The following KLHDC2 variants were observed in gnomAD, a reference collection of about 807,000 sequenced individuals.
KLHDC2 encodes kelch domain containing 2.
Under a neutral mutation model 62.3 loss-of-function variants are expected in KLHDC2, and 38 were observed. The ratio of observed to expected loss-of-function variants is 0.61; its 90% CI spans 0.47 to 0.80. The LOEUF is 0.80. KLHDC2 is among the 30% of genes least tolerant of loss of function. KLHDC2 has a pLI of 0.00. For synonymous variants in KLHDC2, 159 were observed against 161.0 expected, an observed-to-expected ratio of 0.99 and a Z score of 0.09; for missense variants, 430 against 495.3, an observed-to-expected ratio of 0.87 and a Z score of 1.25.
Position 49,774,598 on chromosome 14 carries a change from A to C in KLHDC2, c.271A>C (p.Met91Leu), listed in dbSNP as rs770745242. The change falls in exon 3 of 13, where the codon ATG (methionine) becomes CTG (leucine). Residue 91 changes from methionine (M) to leucine (L), a missense_variant. By Grantham distance (15) the Met-to-Leu change is conservative. Transcript: ENST00000298307. ...INTEGDVPPS[M>L]SGSCAVCVDR... is the part of the protein sequence containing the mutation. ...CACTGAAGGTGATGTTCCTCCTTCT[A>C]TGTCAGGAAGCTGTGCTGTGTGTGT... 2.5e-6 allele frequency: 4 copies of C among 1,613,936 alleles called. No homozygotes were observed. Among genetic ancestry groups the C allele is most frequent in the Non-Finnish European group, 3.4e-6 (4 of 1,179,850 alleles).
In KLHDC2 at chr14:49,783,703, A is replaced by AT. The variant is rs1315756388; in HGVS notation, c.*752dup. 6.6e-6 allele frequency: 1 copy of AT among 152,136 alleles called. No homozygotes were observed. The highest frequency in any genetic ancestry group is 1.5e-5 in the Non-Finnish European group (1 of 68,028). The allele number at this position is 152,136 out of a possible 1,614,324, so 9.4% of individuals were successfully genotyped here. A position where few individuals can be genotyped will look rare whatever the true frequency, so the allele number is the denominator to read the frequency against. Reference sequence around the variant, plus strand: ...GATACTCTAACGTGCTATATTGGTAATTAATTACTAAAGGTGGAAATTAAA... The same window carrying AT: ...GATACTCTAACGTGCTATATTGGTAATTTAATTACTAAAGGTGGAAATTAAA... On this transcript the variant is annotated 3_prime_UTR_variant, in exon 13 of 13. Transcript: ENST00000298307.
chr14:49,775,079 A>C (rs1594700771), intron 3 of KLHDC2, among the ~76,000 whole-genome samples: 1 of 152,310 alleles, frequency 6.6e-6, no homozygotes, highest in Non-Finnish European at 1.5e-5. Context: ...AAACTGACAA[A>C]ACTTTACATG....
intron 9 of KLHDC2, 188 bp downstream of exon 9, chr14:49,780,510 A>G (rs1473342580): frequency 6.3e-6 from 4 of 633,296 alleles, no homozygotes; most frequent in African/African-American, 5.5e-5. Flanking sequence ...AAGAACCTGG[A>G]GCACTTAAGA....
Position 49,784,913 on chromosome 14 carries a change from G to A in KLHDC2, c.*1960G>A, listed in dbSNP as rs1457683643. 7 of 1,608,092 alleles carry A rather than the reference G, an allele frequency of 4.4e-6. No homozygotes were observed. Among genetic ancestry groups the A allele is most frequent in the Non-Finnish European group, 5.1e-6 (6 of 1,175,388 alleles). On this transcript the variant is annotated 3_prime_UTR_variant, in exon 13 of 13. Coordinates refer to ENST00000298307, the MANE Select transcript of KLHDC2 (RefSeq NM_014315.3). ...TCAGTCTCCACATTCCTTTTCTGAA[G>A]GAGAACTTTACCTTTACGCTGCGGA...
chr14:49,768,906 C>T, intron 1 of KLHDC2: 1 of 404,272 alleles, frequency 2.5e-6, no homozygotes, highest in Non-Finnish European at 4.4e-6. Flanking sequence ...AGCGTTATTC[C>T]GGGGAAGGCC....
At chr14:49,781,386 G>A (rs200155132) in intron 10 of KLHDC2, among the ~76,000 whole-genome samples, 5 of 127,558 alleles carry the variant, frequency 3.9e-5, no homozygotes, top group East Asian at 2.3e-4. Flanking sequence ...AAAAAAAAAA[G>A]GGGGTAGAGG....
chr14:49,776,555 G>A (rs1427216198), intron 3 of KLHDC2, among the ~76,000 whole-genome samples: 3 of 152,084 alleles, frequency 2.0e-5, no homozygotes, highest in African/African-American at 7.2e-5. Flanking sequence ...ACATGTATTT[G>A]TTAAATTGAA....
At chr14:49,776,081 C>T (rs1418861507) in intron 3 of KLHDC2, among the ~76,000 whole-genome samples, 4 of 152,178 alleles carry the variant, frequency 2.6e-5, no homozygotes, top group Non-Finnish European at 5.9e-5. Context: ...GCCCCTTCCT[C>T]CTCCATTTTA....
At chr14:49,776,705 G>A (rs1889780364) in intron 3 of KLHDC2, among the ~76,000 whole-genome samples, 1 of 152,052 alleles carries the variant, frequency 6.6e-6, no homozygotes. Context: ...CATCACTTGA[G>A]GCCAGGAGTT....
intron 1 of KLHDC2, chr14:49,768,932 G>T: frequency 3.0e-6 from 1 of 329,980 alleles, no homozygotes; most frequent in Non-Finnish European, 5.6e-6. Context: ...AATGTTGCTT[G>T]GGCGGTGCAT....
chr14:49,773,851 C>T (rs1179980058), intron 2 of KLHDC2, among the ~76,000 whole-genome samples: 1 of 152,084 alleles, frequency 6.6e-6, no homozygotes, highest in Non-Finnish European at 1.5e-5. Flanking sequence ...GCTGGGATTA[C>T]AGGCATGAGC....
intron 3 of KLHDC2, among the ~76,000 whole-genome samples, chr14:49,776,152 G>T (rs113998096): frequency 1.6e-3 from 239 of 152,298 alleles, no homozygotes; most frequent in African/African-American, 5.4e-3. Flanking sequence ...TTTGCTTGAA[G>T]AAAGAGTTCT....
intron 6 of KLHDC2, 34 bp from the exon 7 acceptor site, chr14:49,779,552 TGTTTATAAA>T (rs1354582940): frequency 4.1e-6 from 6 of 1,460,230 alleles, no homozygotes; most frequent in Non-Finnish European, 5.7e-6. Flanking sequence ...GTATTTTCCC[TGTTTATAAA>T]AAGTTCACTA....
At chr14:49,769,874 G>A (rs865929745) in intron 1 of KLHDC2, among the ~76,000 whole-genome samples, 2 of 151,520 alleles carry the variant, frequency 1.3e-5, no homozygotes, top group African/African-American at 4.9e-5. Context: ...CCAGGGAGGC[G>A]GAGTTTGCAG....
In KLHDC2 at chr14:49,778,397, C is replaced by A. The variant is rs754687467; in HGVS notation, c.550-14C>A. Reference sequence around the variant, plus strand: ...TATCATTTCTAAAATAACGCGGATTCTTATTTTCTGTAGAATTCAAGTCAT... The same window carrying A: ...TATCATTTCTAAAATAACGCGGATTATTATTTTCTGTAGAATTCAAGTCAT... On this transcript the variant is annotated splice_polypyrimidine_tract_variant and intron_variant, in intron 5 of 12. Coordinates refer to ENST00000298307, the MANE Select transcript of KLHDC2 (RefSeq NM_014315.3). The A allele has an allele frequency of 1.4e-6, 2 of 1,480,854 alleles. No individual in the cohort carries two copies. Among genetic ancestry groups the A allele is most frequent in the Admixed American group, 3.7e-5 (2 of 54,306 alleles). 91.7% of individuals were successfully genotyped at this position (1,480,854 alleles called of 1,614,324 possible).
At chr14:49,774,018 G>C (rs914011985) in intron 2 of KLHDC2, among the ~76,000 whole-genome samples, 2 of 152,192 alleles carry the variant, frequency 1.3e-5, no homozygotes, top group African/African-American at 2.4e-5. Flanking sequence ...GGTTGATTCA[G>C]ATCAATTTTT....
intron 1 of KLHDC2, among the ~76,000 whole-genome samples, chr14:49,770,623 T>C (rs4284545): frequency 0.97 from 147,311 of 152,216 alleles, 71,453 homozygotes; most frequent in East Asian, 1. Context: ...CCTGGCTCCA[T>C]CATTACTTCA....
intron 3 of KLHDC2, among the ~76,000 whole-genome samples, chr14:49,775,847 A>C (rs1337197539): frequency 1.3e-5 from 2 of 152,036 alleles, no homozygotes; most frequent in African/African-American, 4.8e-5. Context: ...GGCTGGTCTT[A>C]AACTCCTGAC....
At chr14:49,773,000 G>C (rs930123421) in intron 2 of KLHDC2, among the ~76,000 whole-genome samples, 24 of 152,136 alleles carry the variant, frequency 1.6e-4, no homozygotes, top group South Asian at 4.1e-4. Context: ...AATAAGTCAT[G>C]ATTATTTCTG....
Sources: gnomAD v4.1 joint callset for allele counts (sites outside exome capture counted in the v4.1 genomes callset) on GRCh38, gnomAD v4.1.1 for gene constraint, MANE v1.5 for transcripts, NCBI Gene and HGNC (gene_info 2026-07-23, HGNC 2026-07-21) for gene names.